The following SMYD2 variants were observed in gnomAD, a reference collection of about 807,000 sequenced individuals.
SMYD2 encodes N-lysine methyltransferase SMYD2.
SMYD2 carries 53 observed loss-of-function variants against 59.1 expected under a neutral mutation model. That is an observed-to-expected ratio of 0.90 (90% CI 0.72 to 1.13). SMYD2 has a LOEUF of 1.13. Among genes scored for constraint, SMYD2 ranks in the 50% most tolerant of loss-of-function variants. The pLI, the probability that SMYD2 is intolerant of heterozygous loss-of-function variation, is 0.00. For missense variants in SMYD2, 494 were observed against 544.7 expected, an observed-to-expected ratio of 0.91 and a Z score of 0.93; for synonymous variants, 208 against 198.8, an observed-to-expected ratio of 1.05 and a Z score of -0.39.
intron 3 of SMYD2, among the ~76,000 whole-genome samples, chr1:214,317,716 G>T (rs1169192924): frequency 6.6e-6 from 1 of 152,120 alleles, no homozygotes; most frequent in Non-Finnish European, 1.5e-5. Context: ...GTTTGATTTT[G>T]TTCCTTTTTA....
Position 214,331,037 on chromosome 1 carries a change from A to T in SMYD2, c.904A>T (p.Ile302Phe), listed in dbSNP as rs1398926841. The T allele has an allele frequency of 1.9e-6, 3 of 1,614,258 alleles. No homozygotes were observed. The highest frequency in any genetic ancestry group is 2.2e-5 in the South Asian group (2 of 91,088). Residue 302 changes from isoleucine to phenylalanine, a missense_variant, in exon 9 of 12, where the codon ATT (isoleucine) becomes TTT (phenylalanine). Transcript: ENST00000366957. ...RDMVRYARNV[I>F]EEFRRAKHYK... is the part of the protein sequence containing the mutation. ...CATGGTCAGATATGCACGCAACGTC[A>T]TTGAAGAGTTCCGGAGGGCCAAGCA...
At position 214,332,602 on chromosome 1, in the gene SMYD2, C is replaced by T; in HGVS notation, c.1112+410C>T. The T allele has an allele frequency of 1.3e-5, 2 of 156,448 alleles. 1 individual carries two copies. The highest frequency in any genetic ancestry group is 4.0e-4 in the South Asian group (2 of 4,962). 9.7% of individuals were successfully genotyped at this position (156,448 alleles called of 1,614,324 possible). A position where few individuals can be genotyped will look rare whatever the true frequency, so the allele number is the denominator to read the frequency against. On this transcript the variant is annotated intron_variant, in intron 10 of 11. Coordinates refer to ENST00000366957, the MANE Select transcript of SMYD2 (RefSeq NM_020197.3). ...CCCCTTCTTTTGCTTTTTCAAATTA[C>T]AGCCCCAGTTTGCAAATGGGGAAGC...
intron 1 of SMYD2, among the ~76,000 whole-genome samples, chr1:214,293,592 C>T (rs1489985399): frequency 1.3e-5 from 2 of 152,140 alleles, no homozygotes; most frequent in Admixed American, 6.5e-5. Flanking sequence ...GCTCTCAGTT[C>T]CAGGTCGTGT....
intron 2 of SMYD2, among the ~76,000 whole-genome samples, chr1:214,314,321 T>C (rs1464132739): frequency 1.3e-5 from 2 of 152,178 alleles, no homozygotes; most frequent in Non-Finnish European, 2.9e-5. Context: ...AAGGGACTCA[T>C]TGCTGTGTAA....
chr1:214,324,500 A>C, intron 5 of SMYD2, 141 bp from the exon 6 acceptor site: 1 of 697,070 alleles, frequency 1.4e-6, no homozygotes. Flanking sequence ...TTGAACGATA[A>C]CATGGGCAAA....
chr1:214,321,799 G>T (rs1199974316), intron 5 of SMYD2, among the ~76,000 whole-genome samples: 1 of 152,182 alleles, frequency 6.6e-6, no homozygotes, highest in Non-Finnish European at 1.5e-5. Flanking sequence ...AAAGACTGTG[G>T]ACCATGCATG....
chr1:214,324,761 T>C (rs1657235786), intron 6 of SMYD2, 53 bp downstream of exon 6: 2 of 1,524,882 alleles, frequency 1.3e-6, no homozygotes, highest in East Asian at 4.5e-5. Flanking sequence ...AACACTAATT[T>C]GATTTTTTTT....
intron 1 of SMYD2, among the ~76,000 whole-genome samples, chr1:214,290,110 C>G (rs1303780127): frequency 3.3e-5 from 5 of 152,192 alleles, no homozygotes; most frequent in Non-Finnish European, 5.9e-5. Flanking sequence ...GCTTCCTATT[C>G]AATTGCAAAG....
chr1:214,281,297 C>G lies in SMYD2; in HGVS notation c.43C>G (p.Pro15Ala). 1 of 1,356,072 alleles carries G rather than the reference C, an allele frequency of 7.4e-7. No individual in the cohort carries two copies. Among genetic ancestry groups the G allele is most frequent in the Non-Finnish European group, 9.6e-7 (1 of 1,045,496 alleles). 84.0% of individuals were successfully genotyped at this position (1,356,072 alleles called of 1,614,324 possible). ...GLGGLERFCS[P>A]GKGRGLRALQ... ...CGGCGGCCTGGAGCGCTTCTGCAGC[C>G]CGGGCAAAGGCCGGGGGCTGCGGGC... Residue 15 changes from proline (P) to alanine (A), a missense_variant, in exon 1 of 12, where the codon CCG (proline) becomes GCG (alanine). Physicochemically the swap from Pro to Ala is conservative, Grantham distance 27. Transcript: ENST00000366957.
intron 2 of SMYD2, among the ~76,000 whole-genome samples, chr1:214,309,343 G>A (rs1221838434): frequency 2.0e-5 from 3 of 150,952 alleles, no homozygotes; most frequent in Non-Finnish European, 3.0e-5. Context: ...AATACGCCTG[G>A]GAAGCAAAGT....
chr1:214,323,750 T>G (rs1657209709), intron 5 of SMYD2, among the ~76,000 whole-genome samples: 1 of 151,904 alleles, frequency 6.6e-6, no homozygotes, highest in Non-Finnish European at 1.5e-5. Context: ...CAACGTTTCT[T>G]TTAAAGGGTG....
chr1:214,307,506 G>A (rs544136292), intron 2 of SMYD2, among the ~76,000 whole-genome samples: 48 of 152,340 alleles, frequency 3.2e-4, no homozygotes, highest in African/African-American at 1.1e-3. Flanking sequence ...TGCTGATGGT[G>A]TACATTGTGT....
rs1553254477 is a variant in SMYD2, at chr1:214,299,465, T to TTTTATATATATA, written c.174-5721_174-5720insTTATATATATAT. 1.4e-3 allele frequency among the ~76,000 whole-genome samples: 103 copies of TTTTATATATATA among 71,610 alleles called. 1 individual carries two copies. The highest frequency in any genetic ancestry group is 7.3e-3 in the African/African-American group (98 of 13,486). The allele number at this position is 71,610 out of a possible 152,430, so 47.0% of individuals were successfully genotyped here. A position where few individuals can be genotyped will look rare whatever the true frequency, so the allele number is the denominator to read the frequency against. On this transcript the variant is annotated intron_variant, in intron 1 of 11. Transcript: ENST00000366957. Reference sequence around the variant, plus strand: ...AACAGTGAACTGGATAAAGAAAACATTATATATATATATATATACACCATA... The same window carrying TTTTATATATATA: ...AACAGTGAACTGGATAAAGAAAACATTTTATATATATATATATATATATATATATACACCATA...
Position 214,314,804 on chromosome 1 carries a change from G to A in SMYD2, c.280G>A (p.Val94Ile). ...GCACAAGCTGGAATGTTCTCCCATGGTTGTTTTTGGGGAAAACTGGAATCC... is the reference window on the plus strand; with the variant it reads ...GCACAAGCTGGAATGTTCTCCCATGATTGTTTTTGGGGAAAACTGGAATCC... ...PMHKLECSPM[V>I]VFGENWNPSE... The change falls in exon 3 of 12, where the codon GTT becomes ATT. Residue 94 changes from valine to isoleucine, a missense_variant. Physicochemically the swap from Val to Ile is conservative, Grantham distance 29. Coordinates refer to ENST00000366957, the MANE Select transcript of SMYD2 (RefSeq NM_020197.3). 6.2e-7 allele frequency: 1 copy of A among 1,614,056 alleles called. No individual in the cohort carries two copies. Among genetic ancestry groups the A allele is most frequent in the Non-Finnish European group, 8.5e-7 (1 of 1,180,002 alleles).
At chr1:214,310,176 G>A (rs1656977042) in intron 2 of SMYD2, among the ~76,000 whole-genome samples, 1 of 152,244 alleles carries the variant, frequency 6.6e-6, no homozygotes, top group African/African-American at 2.4e-5. Flanking sequence ...TTCCAGTGCT[G>A]GAAATGCTGG....
chr1:214,304,040 T>C (rs1259509264), intron 1 of SMYD2, among the ~76,000 whole-genome samples: 5 of 152,342 alleles, frequency 3.3e-5, no homozygotes, highest in African/African-American at 4.8e-5. Flanking sequence ...ATTCAGTGGC[T>C]TTTCAGCTTT....
intron 1 of SMYD2, among the ~76,000 whole-genome samples, chr1:214,293,714 T>G (rs1656675723): frequency 6.6e-6 from 1 of 152,188 alleles, no homozygotes; most frequent in Non-Finnish European, 1.5e-5. Flanking sequence ...TTTGCTCTTG[T>G]TGCCCAGGCT....
intron 1 of SMYD2, among the ~76,000 whole-genome samples, chr1:214,298,140 C>T (rs555652967): frequency 6.6e-6 from 1 of 152,260 alleles, no homozygotes; most frequent in East Asian, 1.9e-4. Context: ...CATCACATTA[C>T]CCAACTTCAA....
intron 2 of SMYD2, among the ~76,000 whole-genome samples, chr1:214,311,700 A>G (rs373117877): frequency 3.6e-4 from 55 of 152,238 alleles, no homozygotes; most frequent in African/African-American, 1.2e-3. Flanking sequence ...TAAATCAACT[A>G]CATTAATAAA....
Sources: allele counts gnomAD v4.1 joint callset (sites outside exome capture counted in the v4.1 genomes callset), GRCh38; gene constraint gnomAD v4.1.1; transcripts MANE v1.5; gene names NCBI Gene and HGNC (gene_info 2026-07-23, HGNC 2026-07-21).